FYB1: variants seen among roughly 807,000 people sequenced by gnomAD.
FYB1 encodes FYN-binding protein 1.
In FYB1, 41 loss-of-function variants were observed where a neutral mutation model predicts 94.1. The observed-to-expected ratio is 0.44, with a 90% CI of 0.34 to 0.57. The LOEUF (loss-of-function observed/expected upper bound fraction) is 0.57. Ranked by LOEUF, FYB1 falls within the 20% of genes least tolerant of loss-of-function variation. The probability of loss-of-function intolerance (pLI) is 0.02; values close to 1 mark genes in which losing one functional copy is unlikely to be tolerated. For missense variants in FYB1, 1,050 were observed against 976.8 expected, an observed-to-expected ratio of 1.07 and a Z score of -1.00; for synonymous variants, 367 against 353.2, an observed-to-expected ratio of 1.04 and a Z score of -0.44.
chr5:39,265,872 G>C (rs1035063143), intron 1 of FYB1, among the ~76,000 whole-genome samples: 2 of 152,060 alleles, frequency 1.3e-5, no homozygotes, highest in Non-Finnish European at 2.9e-5. Context: ...TTGAATGAAT[G>C]AGTGACAGTG....
At chr5:39,198,732 G>A (rs910784320) in intron 2 of FYB1, among the ~76,000 whole-genome samples, 1 of 152,098 alleles carries the variant, frequency 6.6e-6, no homozygotes, top group African/African-American at 2.4e-5. Context: ...GCTAGGCTAA[G>A]CTATGACATT....
At chr5:39,242,887 C>A (rs1751277394) in intron 1 of FYB1, among the ~76,000 whole-genome samples, 3 of 152,080 alleles carry the variant, frequency 2.0e-5, no homozygotes, top group African/African-American at 7.2e-5. Context: ...TCTCTGATGG[C>A]CAGTGATGCT....
intron 1 of FYB1, among the ~76,000 whole-genome samples, chr5:39,226,535 T>C (rs1159655065): frequency 6.6e-6 from 1 of 152,218 alleles, no homozygotes; most frequent in East Asian, 1.9e-4. Flanking sequence ...TTACCCTTTG[T>C]TAATCCACCC....
Position 39,202,829 on chromosome 5 carries a change from A to G in FYB1, c.132T>C (p.Asn44=). ...TGCTGGGTCCTGCAGGAGGGCTGGCATTTCCTTGGTTGTTGAATAAGTTCT... is the reference window on the plus strand; with the variant it reads ...TGCTGGGTCCTGCAGGAGGGCTGGCGTTTCCTTGGTTGTTGAATAAGTTCT... ...ARKNLFNNQG[N]ASPPAGPSNV... Residue 44 remains asparagine (N), a synonymous_variant, in exon 2 of 19, where the codon AAT becomes AAC. Coordinates refer to ENST00000512982, the MANE Select transcript of FYB1 (RefSeq NM_001465.6). The G allele has an allele frequency of 6.2e-7, 1 of 1,613,914 alleles. No individual in the cohort carries two copies. Among genetic ancestry groups the G allele is most frequent in the South Asian group, 1.1e-5 (1 of 91,084 alleles).
chr5:39,240,805 C>T (rs1013698525), intron 1 of FYB1, among the ~76,000 whole-genome samples: 1 of 152,188 alleles, frequency 6.6e-6, no homozygotes, highest in African/African-American at 2.4e-5. Context: ...TTCGATTCAG[C>T]AATTCCATTA....
chr5:39,170,352 C>T (rs1745139325), intron 2 of FYB1: 2 of 1,140,450 alleles, frequency 1.8e-6, no homozygotes, highest in Non-Finnish European at 2.5e-6. Flanking sequence ...CAGAATAATC[C>T]TATTGGCAAA....
chr5:39,168,429 T>C (rs1479696905), intron 2 of FYB1, among the ~76,000 whole-genome samples: 1 of 152,198 alleles, frequency 6.6e-6, no homozygotes, highest in African/African-American at 2.4e-5. Flanking sequence ...TTTTTAGACT[T>C]TCACTGAATG....
At chr5:39,206,282 A>AT (rs1360703463) in intron 1 of FYB1, among the ~76,000 whole-genome samples, 2 of 152,176 alleles carry the variant, frequency 1.3e-5, no homozygotes, top group Non-Finnish European at 2.9e-5. Context: ...GTAATCACTA[A>AT]TATTGGCTTC....
At chr5:39,229,778 G>A (rs1011719306) in intron 1 of FYB1, among the ~76,000 whole-genome samples, 1 of 152,116 alleles carries the variant, frequency 6.6e-6, no homozygotes, top group African/African-American at 2.4e-5. Flanking sequence ...GGCAGAAGAG[G>A]TCCTGAAACT....
chr5:39,269,611 A>C (rs953206732), intron 1 of FYB1: 4 of 152,232 alleles, frequency 2.6e-5, no homozygotes, highest in African/African-American at 9.7e-5. Flanking sequence ...ATCCTAACTC[A>C]AGGTGCTTTC....
At chr5:39,184,846 T>A (rs1746599639) in intron 2 of FYB1, among the ~76,000 whole-genome samples, 1 of 152,174 alleles carries the variant, frequency 6.6e-6, no homozygotes, top group African/African-American at 2.4e-5. Flanking sequence ...AAGCAAGAGA[T>A]GATGCACAAC....
At chr5:39,164,135 A>G (rs1744506130) in intron 2 of FYB1, among the ~76,000 whole-genome samples, 2 of 152,084 alleles carry the variant, frequency 1.3e-5, no homozygotes, top group African/African-American at 2.4e-5. Context: ...GGGCAAACAG[A>G]GGAGAAATAA....
intron 9 of FYB1, among the ~76,000 whole-genome samples, chr5:39,131,355 C>G (rs1741191735): frequency 6.6e-6 from 1 of 152,112 alleles, no homozygotes; most frequent in Non-Finnish European, 1.5e-5. Flanking sequence ...AGAAACCAGG[C>G]TCTGAGAAAT....
At chr5:39,124,587 G>A (rs1474850452) in intron 12 of FYB1, among the ~76,000 whole-genome samples, 2 of 152,116 alleles carry the variant, frequency 1.3e-5, no homozygotes, top group African/African-American at 4.8e-5. Context: ...TGAGGTTTGG[G>A]CATAATATCA....
intron 2 of FYB1, among the ~76,000 whole-genome samples, chr5:39,154,193 G>A (rs1006597924): frequency 6.6e-6 from 1 of 152,084 alleles, no homozygotes; most frequent in Non-Finnish European, 1.5e-5. Context: ...TCAGCATACC[G>A]TTGCTGGTAC....
At chr5:39,147,452 CTGTGTGTGTGTGTGTG>C (rs71606520) in intron 3 of FYB1, among the ~76,000 whole-genome samples, 1 of 144,516 alleles carries the variant, frequency 6.9e-6, no homozygotes, top group East Asian at 2.1e-4. Context: ...GTACATATGC[CTGTGTGTGTGTGTGTG>C]TGTGTGTGTG....
At chr5:39,148,606 C>G (rs1033966004) in intron 3 of FYB1, among the ~76,000 whole-genome samples, 2 of 151,534 alleles carry the variant, frequency 1.3e-5, no homozygotes, top group African/African-American at 4.8e-5. Context: ...TGGCAGCTGG[C>G]TACTGATACG....
In FYB1 at chr5:39,105,502, A is replaced by C. The variant is rs988136015; in HGVS notation, c.*1941T>G. 6.6e-6 allele frequency: 1 copy of C among 152,164 alleles called. No individual in the cohort carries two copies. The highest frequency in any genetic ancestry group is 2.4e-5 in the African/African-American group (1 of 41,434). 9.4% of individuals were successfully genotyped at this position (152,164 alleles called of 1,614,324 possible). On this transcript the variant is annotated 3_prime_UTR_variant, in exon 19 of 19. Transcript: ENST00000512982. ...AAAACTGACATTGTACTGAATTTAC[A>C]TAATTCTCAATCAGAAAAAAAATTA...
chr5:39,110,311 C>T, intron 17 of FYB1, 45 bp downstream of exon 17: 2 of 1,314,984 alleles, frequency 1.5e-6, no homozygotes, highest in East Asian at 2.4e-5. Flanking sequence ...AAGAAAGGCA[C>T]AAAATTCTTT....
Sources: allele counts gnomAD v4.1 joint callset (sites outside exome capture counted in the v4.1 genomes callset), GRCh38; gene constraint gnomAD v4.1.1; transcripts MANE v1.5; gene names NCBI Gene and HGNC (gene_info 2026-07-23, HGNC 2026-07-21).